ADAMTS3: variants seen among roughly 807,000 people sequenced by gnomAD.
ADAMTS3 encodes the protein ADAM metallopeptidase with thrombospondin type 1 motif 3.
Under a neutral mutation model 129.0 loss-of-function variants are expected in ADAMTS3, and 73 were observed. That is an observed-to-expected ratio of 0.57 (90% confidence interval 0.47 to 0.69). ADAMTS3 has a LOEUF of 0.69. Among genes scored for constraint, ADAMTS3 ranks in the 30% least tolerant of loss-of-function variants. ADAMTS3 has a pLI of 0.00. For missense variants in ADAMTS3, 1,457 were observed against 1,514.5 expected (o/e 0.96, Z 0.63); for synonymous variants, 477 against 510.8 (o/e 0.93, Z 0.89).
At chr4:72,549,025 T>A in intron 2 of ADAMTS3, 141 bp from the exon 3 acceptor site, 1 of 686,830 alleles carries the variant, frequency 1.5e-6, no homozygotes, top group Non-Finnish European at 2.2e-6. Flanking sequence ...CTCATAAATA[T>A]TAAATTTTGA....
chr4:72,359,452 T>C (rs548066082), intron 4 of ADAMTS3, among the ~76,000 whole-genome samples: 1 of 152,150 alleles, frequency 6.6e-6, no homozygotes, highest in East Asian at 1.9e-4. Flanking sequence ...TTAATGAAAT[T>C]ATATGAGTTA....
chr4:72,302,108 G>C (rs910749302), intron 17 of ADAMTS3, among the ~76,000 whole-genome samples: 1 of 151,924 alleles, frequency 6.6e-6, no homozygotes, highest in Non-Finnish European at 1.5e-5. Flanking sequence ...AGAATGATCT[G>C]ACAATAACTT....
intron 3 of ADAMTS3, among the ~76,000 whole-genome samples, chr4:72,427,310 CCT>C (rs1255745474): frequency 6.6e-6 from 1 of 152,126 alleles, no homozygotes; most frequent in Non-Finnish European, 1.5e-5. Flanking sequence ...TCAAGAACTT[CCT>C]ACTTGAGGTG....
At chr4:72,367,472 C>CAT (rs768376245) in intron 4 of ADAMTS3, among the ~76,000 whole-genome samples, 24 of 152,094 alleles carry the variant, frequency 1.6e-4, no homozygotes, top group South Asian at 4.1e-4. Flanking sequence ...GTAACACGTA[C>CAT]ATATATATAT....
chr4:72,338,625 T>G lies in ADAMTS3; in HGVS notation c.861+869A>C, dbSNP rs115738150. Reference sequence around the variant, plus strand: ...GGTAAACTATAGATATCCAAGAAATTATATTAAATATCAAAAGTTGTGAGG... The same window carrying G: ...GGTAAACTATAGATATCCAAGAAATGATATTAAATATCAAAAGTTGTGAGG... On this transcript the variant is annotated intron_variant, in intron 5 of 21. Transcript: ENST00000286657. 4.5e-3 allele frequency among the ~76,000 whole-genome samples: 687 copies of G among 151,642 alleles called. 4 individuals carry two copies. Among genetic ancestry groups the G allele is most frequent in the African/African-American group, 0.016 (657 of 41,350 alleles).
chr4:72,382,564 C>G (rs1721321777), intron 4 of ADAMTS3, among the ~76,000 whole-genome samples: 1 of 152,082 alleles, frequency 6.6e-6, no homozygotes, highest in Non-Finnish European at 1.5e-5. Flanking sequence ...ACAGTTTTAT[C>G]AAGAAGATAC....
intron 3 of ADAMTS3, among the ~76,000 whole-genome samples, chr4:72,417,935 A>AAAAAAAAAAAAAAAAAG (rs1722349335): frequency 6.7e-6 from 1 of 150,004 alleles, no homozygotes; most frequent in Non-Finnish European, 1.5e-5. Flanking sequence ...TCCATCTCAA[A>AAAAAAAAAAAAAAAAAG]AAAAAAAAAG....
intron 3 of ADAMTS3, among the ~76,000 whole-genome samples, chr4:72,520,996 T>C (rs866108307): frequency 6.6e-6 from 1 of 151,388 alleles, no homozygotes; most frequent in Non-Finnish European, 1.5e-5. Context: ...TCCTCCCCAC[T>C]TTTTTTCTTT....
intron 5 of ADAMTS3, among the ~76,000 whole-genome samples, chr4:72,328,471 C>T (rs955133439): frequency 6.6e-5 from 10 of 152,250 alleles, no homozygotes; most frequent in Middle Eastern, 3.4e-3. Context: ...ATGGGTGGAT[C>T]AGGTCTTGAG....
intron 3 of ADAMTS3, among the ~76,000 whole-genome samples, chr4:72,518,000 T>A (rs1386057284): frequency 6.6e-6 from 1 of 152,052 alleles, no homozygotes; most frequent in Non-Finnish European, 1.5e-5. Flanking sequence ...CTCTACACAC[T>A]GCTTTGAATG....
At chr4:72,401,566 C>CAAAAAAAAAAAAAAAAAAAAAAAAAAA (rs374322807) in intron 4 of ADAMTS3, among the ~76,000 whole-genome samples, 1 of 37,054 alleles carries the variant, frequency 2.7e-5, no homozygotes. Flanking sequence ...TACTCTGTCT[C>CAAAAAAAAAAAAAAAAAAAAAAAAAAA]AAAAAAAAAA....
intron 2 of ADAMTS3, among the ~76,000 whole-genome samples, chr4:72,566,677 C>G (rs2109811873): frequency 6.6e-6 from 1 of 152,322 alleles, no homozygotes; most frequent in Admixed American, 6.5e-5. Flanking sequence ...CTTTCAGCCT[C>G]CGCATTCACA....
chr4:72,533,527 TATC>T (rs1295266083), intron 3 of ADAMTS3, among the ~76,000 whole-genome samples: 3 of 98,356 alleles, frequency 3.1e-5, no homozygotes, highest in East Asian at 3.5e-4. Flanking sequence ...AGTCATTTAT[TATC>T]ATCAAGTACA....
At chr4:72,339,966 G>C (rs772460274) in intron 4 of ADAMTS3, among the ~76,000 whole-genome samples, 25 of 152,172 alleles carry the variant, frequency 1.6e-4, no homozygotes, top group Non-Finnish European at 3.1e-4. Context: ...TGTAAGGATA[G>C]AAGTGGTTCA....
intron 4 of ADAMTS3, among the ~76,000 whole-genome samples, chr4:72,394,487 C>T (rs114324203): frequency 1.3e-3 from 194 of 152,230 alleles, no homozygotes; most frequent in African/African-American, 4.4e-3. Flanking sequence ...CTGTCTCTTG[C>T]GTGAATTCTG....
intron 21 of ADAMTS3, among the ~76,000 whole-genome samples, chr4:72,286,317 T>G (rs985876980): frequency 6.6e-6 from 1 of 152,246 alleles, no homozygotes; most frequent in Non-Finnish European, 1.5e-5. Flanking sequence ...TTAAAACTTC[T>G]GAGTAAAGTT....
intron 5 of ADAMTS3, among the ~76,000 whole-genome samples, chr4:72,338,051 G>A (rs1720034683): frequency 6.6e-6 from 1 of 152,040 alleles, no homozygotes; most frequent in African/African-American, 2.4e-5. Flanking sequence ...GTAAAATTTG[G>A]CATAGAGAAA....
At chr4:72,403,722 T>C (rs971793185) in intron 4 of ADAMTS3, among the ~76,000 whole-genome samples, 1 of 152,004 alleles carries the variant, frequency 6.6e-6, no homozygotes, top group African/African-American at 2.4e-5. Flanking sequence ...AACTTAGAGA[T>C]AAAAAAATTT....
At chr4:72,451,034 G>C (rs927254745) in intron 3 of ADAMTS3, among the ~76,000 whole-genome samples, 4 of 140,456 alleles carry the variant, frequency 2.8e-5, no homozygotes, top group Admixed American at 7.2e-5. Context: ...CAACAGATAA[G>C]AATATCCTTA....
Sources: allele counts gnomAD v4.1 joint callset (sites outside exome capture counted in the v4.1 genomes callset), GRCh38; gene constraint gnomAD v4.1.1; transcripts MANE v1.5; gene names NCBI Gene and HGNC (gene_info 2026-07-23, HGNC 2026-07-21).